The following CAPN13 variants were observed in gnomAD, a reference collection of about 807,000 sequenced individuals.
CAPN13 encodes the protein calpain 13.
Under a neutral mutation model 98.4 loss-of-function variants are expected in CAPN13, and 90 were observed. That is an observed-to-expected ratio of 0.92 (90% CI 0.77 to 1.09). CAPN13 has a LOEUF of 1.09. CAPN13 is among the 50% of genes least tolerant of loss of function. The probability of loss-of-function intolerance (pLI) is 0.00; values close to 1 mark genes in which losing one functional copy is unlikely to be tolerated. For synonymous variants in CAPN13, 330 were observed against 305.5 expected, an observed-to-expected ratio of 1.08 and a Z score of -0.84; for missense variants, 887 against 841.3, an observed-to-expected ratio of 1.05 and a Z score of -0.67.
chr2:30,767,391 G>T (rs1673166154), intron 5 of CAPN13, among the ~76,000 whole-genome samples: 1 of 152,124 alleles, frequency 6.6e-6, no homozygotes. Context: ...CCAGGTCCAC[G>T]TTCCTATTTC....
chr2:30,804,267 C>G (rs1675471065), intron 1 of CAPN13, among the ~76,000 whole-genome samples: 1 of 152,210 alleles, frequency 6.6e-6, no homozygotes, highest in Non-Finnish European at 1.5e-5. Context: ...GTGGCGCAAC[C>G]TCGGCTCACT....
At chr2:30,807,231 T>C (rs1003092331) in intron 1 of CAPN13, 71 bp downstream of exon 1, 3 of 152,150 alleles carry the variant, frequency 2.0e-5, no homozygotes, top group Non-Finnish European at 2.9e-5. Context: ...TCTAGAAAAT[T>C]GTACATGCTC....
At chr2:30,803,891 T>C (rs1675442476) in intron 1 of CAPN13, among the ~76,000 whole-genome samples, 1 of 152,106 alleles carries the variant, frequency 6.6e-6, no homozygotes, top group Non-Finnish European at 1.5e-5. Flanking sequence ...ACCTCTCTAT[T>C]ATTGAGACAA....
chr2:30,748,026 G>C (rs569144061), intron 11 of CAPN13, among the ~76,000 whole-genome samples: 1 of 152,220 alleles, frequency 6.6e-6, no homozygotes, highest in Admixed American at 6.5e-5. Context: ...TGAAGACTTT[G>C]GGTGAATCAA....
intron 11 of CAPN13, among the ~76,000 whole-genome samples, chr2:30,746,151 C>A (rs1316995298): frequency 6.6e-6 from 1 of 152,088 alleles, no homozygotes; most frequent in Non-Finnish European, 1.5e-5. Flanking sequence ...CCTGCCTTGG[C>A]CTTCCAAAAT....
intron 5 of CAPN13, among the ~76,000 whole-genome samples, chr2:30,769,119 G>A (rs1015419167): frequency 3.3e-5 from 5 of 152,150 alleles, no homozygotes; most frequent in Admixed American, 1.3e-4. Context: ...TGACTGCTGC[G>A]TGGCTCTCCA....
intron 15 of CAPN13, among the ~76,000 whole-genome samples, chr2:30,739,556 T>A (rs1671549554): frequency 6.6e-6 from 1 of 152,114 alleles, no homozygotes; most frequent in Admixed American, 6.5e-5. Context: ...CTGGGTTTTA[T>A]CAGGAAAGTT....
chr2:30,764,521 T>TC (rs966144324), intron 5 of CAPN13, among the ~76,000 whole-genome samples: 1 of 151,976 alleles, frequency 6.6e-6, no homozygotes, highest in Admixed American at 6.5e-5. Context: ...CCTGCCCTGG[T>TC]CCCCCAGGCC....
intron 17 of CAPN13, 137 bp from the exon 18 acceptor site, chr2:30,736,708 C>T (rs1374083246): frequency 6.7e-6 from 5 of 740,972 alleles, no homozygotes; most frequent in African/African-American, 3.5e-5. Context: ...GGCCCCATGC[C>T]AGCTGGCTCC....
chr2:30,734,069 A>C (rs1671231603), intron 19 of CAPN13, among the ~76,000 whole-genome samples: 1 of 152,226 alleles, frequency 6.6e-6, no homozygotes, highest in African/African-American at 2.4e-5. Context: ...GTGAAGAGAG[A>C]GAGCGATCAT....
At chr2:30,741,741 T>C in intron 15 of CAPN13, 167 bp downstream of exon 15, 1 of 1,467,498 alleles carries the variant, frequency 6.8e-7, no homozygotes, top group Non-Finnish European at 9.0e-7. Flanking sequence ...CTACCGAGCT[T>C]GGCAGCCACA....
intron 14 of CAPN13, 132 bp from the exon 15 acceptor site, chr2:30,742,096 T>C: frequency 1.0e-6 from 1 of 993,982 alleles, no homozygotes; most frequent in Non-Finnish European, 1.5e-6. Context: ...AAAAGCCTTC[T>C]GGGGAATGAG....
At chr2:30,758,991 GC>G (rs1672647464) in intron 7 of CAPN13, among the ~76,000 whole-genome samples, 1 of 93,140 alleles carries the variant, frequency 1.1e-5, no homozygotes, top group South Asian at 3.8e-4. Flanking sequence ...TTCCCCCCTT[GC>G]CCCTATCCTT....
intron 22 of CAPN13, among the ~76,000 whole-genome samples, chr2:30,727,126 T>C (rs1670884584): frequency 2.0e-5 from 3 of 152,030 alleles, no homozygotes; most frequent in Admixed American, 1.3e-4. Context: ...CTGGGACAAA[T>C]GAATGAATGC....
chr2:30,741,720 G>A (rs1671667086), intron 15 of CAPN13, 188 bp downstream of exon 15: 2 of 1,440,858 alleles, frequency 1.4e-6, no homozygotes, highest in South Asian at 1.5e-5. Flanking sequence ...ACTGGGTGGG[G>A]CGCCACGTCT....
chr2:30,744,309 G>A (rs1671803568), intron 12 of CAPN13, among the ~76,000 whole-genome samples: 1 of 152,192 alleles, frequency 6.6e-6, no homozygotes, highest in South Asian at 2.1e-4. Flanking sequence ...TCAGGGGTAG[G>A]GACAGGGCTG....
chr2:30,755,930 C>A (rs1672422143), intron 8 of CAPN13, among the ~76,000 whole-genome samples: 1 of 152,116 alleles, frequency 6.6e-6, no homozygotes, highest in Non-Finnish European at 1.5e-5. Flanking sequence ...ATTAGACCAT[C>A]CGGTGCTCTC....
intron 19 of CAPN13, among the ~76,000 whole-genome samples, chr2:30,734,223 T>A (rs1429881533): frequency 6.6e-6 from 1 of 152,116 alleles, no homozygotes; most frequent in Non-Finnish European, 1.5e-5. Context: ...AGGAAAGACA[T>A]CTGGGAAAAT....
At chr2:30,723,276 G>A (rs553487079) in intron 22 of CAPN13, 40 bp from the exon 23 acceptor site, 1 of 152,452 alleles carries the variant, frequency 6.6e-6, no homozygotes, top group South Asian at 2.1e-4. Context: ...GAGGGCCAAG[G>A]GTGAGTAAAG....
Sources: allele counts gnomAD v4.1 joint callset (sites outside exome capture counted in the v4.1 genomes callset), GRCh38; gene constraint gnomAD v4.1.1; transcripts MANE v1.5; gene names NCBI Gene and HGNC (gene_info 2026-07-23, HGNC 2026-07-21).